PHACTR3: variants seen among roughly 807,000 people sequenced by gnomAD.
PHACTR3 encodes the protein protein phosphatase 1, regulatory subunit 123.
A neutral mutation model predicts 66.8 loss-of-function variants in PHACTR3; 16 were observed. The observed-to-expected ratio is 0.24, with a 90% CI of 0.16 to 0.36. The LOEUF is 0.36. PHACTR3 is among the 10% of genes least tolerant of loss of function. The pLI is 1.00. For missense variants in PHACTR3, 647 were observed against 719.9 expected (o/e 0.90, Z 1.16); for synonymous variants, 323 against 292.1 (o/e 1.11, Z -1.08).
chr20:59,667,465 T>C (rs1234267154), intron 1 of PHACTR3, among the ~76,000 whole-genome samples: 1 of 152,222 alleles, frequency 6.6e-6, no homozygotes, highest in African/African-American at 2.4e-5. Flanking sequence ...TTGAAGACCC[T>C]TGGTCTAAGC....
intron 1 of PHACTR3, among the ~76,000 whole-genome samples, chr20:59,709,784 G>T (rs1027029575): frequency 6.6e-6 from 1 of 152,130 alleles, no homozygotes; most frequent in Non-Finnish European, 1.5e-5. Context: ...GGTGTTGGGG[G>T]AGATGGTGCA....
chr20:59,790,062 T>A (rs2041040831), intron 7 of PHACTR3, among the ~76,000 whole-genome samples: 1 of 152,260 alleles, frequency 6.6e-6, no homozygotes, highest in South Asian at 2.1e-4. Context: ...TGAGTTTATT[T>A]TAACTCCAAA....
At chr20:59,741,721 T>C (rs2039167855) in intron 1 of PHACTR3, among the ~76,000 whole-genome samples, 1 of 151,670 alleles carries the variant, frequency 6.6e-6, no homozygotes, top group Non-Finnish European at 1.5e-5. Context: ...CTCCCCCGCC[T>C]GCCAACAGCC....
chr20:59,704,777 G>A (rs892311766), intron 1 of PHACTR3, among the ~76,000 whole-genome samples: 3 of 151,150 alleles, frequency 2.0e-5, no homozygotes, highest in African/African-American at 7.3e-5. Flanking sequence ...TCAATTTTGA[G>A]AGCCATTCTA....
chr20:59,591,431 T>C lies in PHACTR3; in HGVS notation c.109+13814T>C, dbSNP rs547328737. On this transcript the variant is annotated intron_variant, in intron 1 of 12. Coordinates refer to the PHACTR3 transcript ENST00000359926. Reference sequence around the variant, plus strand: ...CTCCACATCTTCCTGAGTGACACCATGCGGGGAACTTGGTGGGTATTTTAG... The same window carrying C: ...CTCCACATCTTCCTGAGTGACACCACGCGGGGAACTTGGTGGGTATTTTAG... Among the ~76,000 whole-genome samples, 4 of 152,270 alleles carry C rather than the reference T, an allele frequency of 2.6e-5. No homozygotes were observed. In the East Asian group the frequency reaches 7.7e-4, roughly 29 times the overall value.
intron 1 of PHACTR3, among the ~76,000 whole-genome samples, chr20:59,673,470 G>A (rs2036266607): frequency 1.3e-5 from 2 of 152,210 alleles, no homozygotes; most frequent in African/African-American, 4.8e-5. Flanking sequence ...TCAGCAGCAC[G>A]ACAAGGGGCA....
chr20:59,602,343 ATTGT>A (rs1287648208), upstream of PHACTR3, among the ~76,000 whole-genome samples: 3 of 149,912 alleles, frequency 2.0e-5, no homozygotes, highest in African/African-American at 7.4e-5. Flanking sequence ...AGGTGGGATG[ATTGT>A]TTGAGCCCAG....
chr20:59,678,668 A>G (rs1314570559), intron 1 of PHACTR3, among the ~76,000 whole-genome samples: 1 of 152,222 alleles, frequency 6.6e-6, no homozygotes, highest in African/African-American at 2.4e-5. Context: ...TGTGGGGCAG[A>G]AATAGTCCTT....
Position 59,766,292 on chromosome 20 carries a change from C to T in PHACTR3, c.542-894C>T, listed in dbSNP as rs118082934. ...TGACAGTTCTTCCTGAAGTGGACTC[C>T]GTAGGCTCTTCCTCCTGCAATAGTA... On this transcript the variant is annotated intron_variant, in intron 4 of 12. Transcript: ENST00000371015. Among the ~76,000 whole-genome samples, 580 of 152,250 alleles carry T rather than the reference C, an allele frequency of 3.8e-3. 16 individuals are homozygous for T. The highest frequency in any genetic ancestry group is 0.025 in the Admixed American group (383 of 15,306).
chr20:59,713,718 C>A (rs2037986050), intron 1 of PHACTR3, among the ~76,000 whole-genome samples: 1 of 149,952 alleles, frequency 6.7e-6, no homozygotes. Context: ...CCTCTGGTAA[C>A]CTTCTTGAGC....
chr20:59,748,122 T>C (rs1480651579), intron 3 of PHACTR3, among the ~76,000 whole-genome samples: 1 of 152,216 alleles, frequency 6.6e-6, no homozygotes, highest in East Asian at 1.9e-4. Flanking sequence ...AATCTGGTGG[T>C]TTATCCCAAT....
intron 1 of PHACTR3, among the ~76,000 whole-genome samples, chr20:59,657,684 A>G (rs1473138073): frequency 6.6e-6 from 1 of 152,090 alleles, no homozygotes; most frequent in African/African-American, 2.4e-5. Flanking sequence ...AATCCTATTG[A>G]GGCATCCTTG....
intron 8 of PHACTR3, among the ~76,000 whole-genome samples, chr20:59,810,756 G>C (rs2041713826): frequency 6.6e-6 from 1 of 152,106 alleles, no homozygotes; most frequent in African/African-American, 2.4e-5. Flanking sequence ...GGAAAGTCAG[G>C]GTCCCATTTG....
chr20:59,708,831 C>T (rs2037812169), intron 1 of PHACTR3, among the ~76,000 whole-genome samples: 1 of 152,166 alleles, frequency 6.6e-6, no homozygotes, highest in African/African-American at 2.4e-5. Flanking sequence ...CTGCAGTAAA[C>T]GTTCAGAAAA....
intron 1 of PHACTR3, among the ~76,000 whole-genome samples, chr20:59,588,198 CAT>C (rs974202009): frequency 6.6e-6 from 1 of 152,188 alleles, no homozygotes; most frequent in Admixed American, 6.5e-5. Flanking sequence ...CACATAAACT[CAT>C]ATGTGAGGCT....
At position 59,680,570 on chromosome 20, in the gene PHACTR3, G is replaced by T. The variant is rs560280814; in HGVS notation, c.119-62537G>T. 5.2e-4 allele frequency among the ~76,000 whole-genome samples: 79 copies of T among 152,270 alleles called. 2 individuals are homozygous for T. Among genetic ancestry groups the T allele is most frequent in the African/African-American group, 1.7e-3 (71 of 41,552 alleles). ...GGCAACCTTCATGTAACCCAAGCTT[G>T]TCCAACCCAAGGCCTGTGGGACGCA... On this transcript the variant is annotated intron_variant, in intron 1 of 12. Transcript: ENST00000371015.
At chr20:59,674,685 TC>T (rs1244394889) in intron 1 of PHACTR3, among the ~76,000 whole-genome samples, 95 of 115,336 alleles carry the variant, frequency 8.2e-4, no homozygotes, top group Non-Finnish European at 1.4e-3. Context: ...TCCCACCTTC[TC>T]CTGTTCCTGC....
chr20:59,740,659 T>C (rs1217704229), intron 1 of PHACTR3, among the ~76,000 whole-genome samples: 1 of 149,454 alleles, frequency 6.7e-6, no homozygotes, highest in Non-Finnish European at 1.5e-5. Flanking sequence ...ATGATTATCA[T>C]GGCATCTTTT....
At chr20:59,800,924 G>A (rs1449435430) in intron 7 of PHACTR3, among the ~76,000 whole-genome samples, 1 of 152,224 alleles carries the variant, frequency 6.6e-6, no homozygotes, top group African/African-American at 2.4e-5. Context: ...AGAACCCCGT[G>A]TACTCTATTC....
Sources: gnomAD v4.1 joint callset for allele counts (sites outside exome capture counted in the v4.1 genomes callset) on GRCh38, gnomAD v4.1.1 for gene constraint, MANE v1.5 for transcripts, NCBI Gene and HGNC (gene_info 2026-07-23, HGNC 2026-07-21) for gene names.